PTPRD: variants seen among roughly 807,000 people sequenced by gnomAD.
PTPRD encodes receptor-type tyrosine-protein phosphatase delta.
PTPRD carries 34 observed loss-of-function variants against 214.5 expected under a neutral mutation model. The ratio of observed to expected loss-of-function variants is 0.16; its 90% CI spans 0.12 to 0.21. The LOEUF (loss-of-function observed/expected upper bound fraction) is 0.21. Among genes scored for constraint, PTPRD ranks in the 10% least tolerant of loss-of-function variants. The pLI is 1.00. For missense variants in PTPRD, 2,545 were observed against 2,398.7 expected, an observed-to-expected ratio of 1.06 and a Z score of -1.27; for synonymous variants, 1,128 against 845.7, an observed-to-expected ratio of 1.33 and a Z score of -5.79.
At chr9:9,901,662 T>C (rs1194629986) in intron 5 of PTPRD, among the ~76,000 whole-genome samples, 2 of 152,188 alleles carry the variant, frequency 1.3e-5, no homozygotes, top group Non-Finnish European at 2.9e-5. Flanking sequence ...GAGTTGATTA[T>C]ATTAGTTAGT....
intron 7 of PTPRD, among the ~76,000 whole-genome samples, chr9:9,717,166 T>A (rs1020804660): frequency 2.6e-5 from 4 of 152,270 alleles, no homozygotes; most frequent in African/African-American, 9.6e-5. Flanking sequence ...GTTGTAGATA[T>A]GCGGCGTTAT....
chr9:9,876,010 T>G, intron 5 of PTPRD, among the ~76,000 whole-genome samples: 1 of 152,028 alleles, frequency 6.6e-6, no homozygotes, highest in Non-Finnish European at 1.5e-5. Context: ...AGTTTGCAGG[T>G]GCTTAATTCA....
chr9:9,707,010 G>A (rs990933831), intron 7 of PTPRD, among the ~76,000 whole-genome samples: 4 of 152,030 alleles, frequency 2.6e-5, no homozygotes, highest in Admixed American at 2.0e-4. Flanking sequence ...GTATAGAAGT[G>A]AAAAATACCA....
At chr9:9,317,178 T>C (rs1963695209) in intron 9 of PTPRD, among the ~76,000 whole-genome samples, 1 of 152,168 alleles carries the variant, frequency 6.6e-6, no homozygotes, top group Admixed American at 6.6e-5. Context: ...TAAAAATTGG[T>C]TATGTTTCAG....
chr9:8,646,329 G>A (rs886185283), intron 12 of PTPRD, among the ~76,000 whole-genome samples: 8 of 151,972 alleles, frequency 5.3e-5, no homozygotes, highest in East Asian at 1.9e-4. Flanking sequence ...GTTTTCTAAC[G>A]CATCTGTGAC....
intron 12 of PTPRD, among the ~76,000 whole-genome samples, chr9:8,726,569 TAA>T (rs764810328): frequency 2.0e-3 from 4 of 1,982 alleles, no homozygotes; most frequent in Non-Finnish European, 3.4e-3. Context: ...CGGTCTCTAC[TAA>T]AAAAAAAAAA....
At chr9:9,677,782 CCT>C (rs2096966406) in intron 7 of PTPRD, among the ~76,000 whole-genome samples, 2 of 152,000 alleles carry the variant, frequency 1.3e-5, no homozygotes, top group Non-Finnish European at 2.9e-5. Flanking sequence ...TCAAATCGTC[CCT>C]GTTTGCAGAT....
At chr9:10,540,763 T>C (rs894150330) in intron 2 of PTPRD, among the ~76,000 whole-genome samples, 2 of 152,306 alleles carry the variant, frequency 1.3e-5, no homozygotes, top group South Asian at 2.1e-4. Flanking sequence ...AGGTTGAAAT[T>C]TGGCTTTGTT....
At chr9:8,751,759 G>A (rs1297234480) in intron 11 of PTPRD, among the ~76,000 whole-genome samples, 1 of 152,152 alleles carries the variant, frequency 6.6e-6, no homozygotes, top group Non-Finnish European at 1.5e-5. Context: ...ACTCCTCAGT[G>A]TTTCTTATTA....
intron 3 of PTPRD, among the ~76,000 whole-genome samples, chr9:10,132,974 G>C (rs1443055572): frequency 1.6e-5 from 2 of 126,054 alleles, no homozygotes; most frequent in African/African-American, 3.0e-5. Flanking sequence ...TGTAGCTTCT[G>C]CCTTGGCATT....
At chr9:10,391,820 T>C (rs566309050) in intron 2 of PTPRD, among the ~76,000 whole-genome samples, 1 of 151,962 alleles carries the variant, frequency 6.6e-6, no homozygotes, top group South Asian at 2.1e-4. Context: ...ATCCTTACTG[T>C]GAACTTACTC....
chr9:10,492,088 C>T (rs896680473), intron 2 of PTPRD, among the ~76,000 whole-genome samples: 23 of 152,110 alleles, frequency 1.5e-4, no homozygotes, highest in African/African-American at 4.6e-4. Context: ...GTACATGTGC[C>T]ACATTGTCTT....
In PTPRD at chr9:9,113,009, G is replaced by A. The variant is rs573544312; in HGVS notation, c.-143+70295C>T. 7.3e-5 allele frequency among the ~76,000 whole-genome samples: 11 copies of A among 150,672 alleles called. No homozygotes were observed. In the South Asian group the frequency reaches 2.3e-3, roughly 32 times the overall value. On this transcript the variant is annotated intron_variant, in intron 10 of 45. Coordinates refer to ENST00000381196, the MANE Select transcript of PTPRD (RefSeq NM_002839.4). ...AGACAGAGTCTCTTTCTGTCACCTA[G>A]GCTTCAGTGCAGGGGCTCAATTATA...
At chr9:10,406,274 A>T (rs921981616) in intron 2 of PTPRD, among the ~76,000 whole-genome samples, 1 of 151,496 alleles carries the variant, frequency 6.6e-6, no homozygotes, top group Non-Finnish European at 1.5e-5. Flanking sequence ...TAGTTTATTC[A>T]TCTAATAAGT....
intron 9 of PTPRD, among the ~76,000 whole-genome samples, chr9:9,330,570 C>G (rs1332162448): frequency 6.6e-6 from 1 of 151,970 alleles, no homozygotes; most frequent in Non-Finnish European, 1.5e-5. Context: ...TATTAAAAGT[C>G]TGTTCAGTAC....
At chr9:9,349,620 G>A (rs1289230504) in intron 9 of PTPRD, among the ~76,000 whole-genome samples, 1 of 149,466 alleles carries the variant, frequency 6.7e-6, no homozygotes, top group Non-Finnish European at 1.5e-5. Flanking sequence ...TAAAGTTTGA[G>A]AATGATTGTT....
At chr9:8,997,891 G>A (rs1359997817) in intron 11 of PTPRD, among the ~76,000 whole-genome samples, 1 of 152,076 alleles carries the variant, frequency 6.6e-6, no homozygotes, top group Non-Finnish European at 1.5e-5. Context: ...TATGGAGAAA[G>A]CTTCAATAGT....
chr9:8,800,642 T>C (rs1377176913), intron 11 of PTPRD, among the ~76,000 whole-genome samples: 1 of 152,186 alleles, frequency 6.6e-6, no homozygotes, highest in Non-Finnish European at 1.5e-5. Context: ...TTGTTTAACA[T>C]TACATCAAGA....
chr9:8,608,542 G>C (rs1564688409), intron 14 of PTPRD, among the ~76,000 whole-genome samples: 2 of 152,096 alleles, frequency 1.3e-5, no homozygotes, highest in African/African-American at 2.4e-5. Flanking sequence ...GAGACTCTCA[G>C]TGTCTCTCCC....
Sources: gnomAD v4.1 joint callset for allele counts (sites outside exome capture counted in the v4.1 genomes callset) on GRCh38, gnomAD v4.1.1 for gene constraint, MANE v1.5 for transcripts, NCBI Gene and HGNC (gene_info 2026-07-23, HGNC 2026-07-21) for gene names.